Variants in CHD7 observed in about 807,000 individuals in gnomAD.
CHD7 encodes chromodomain helicase DNA binding protein 7.
Under a neutral mutation model 307.3 loss-of-function variants are expected in CHD7, and 24 were observed. That is an observed-to-expected ratio of 0.08 (90% CI 0.06 to 0.11). The LOEUF is 0.11. Ranked by LOEUF, CHD7 falls within the 10% of genes least tolerant of loss-of-function variation. The probability of loss-of-function intolerance (pLI) is 1.00; values close to 1 mark genes in which losing one functional copy is unlikely to be tolerated. For missense variants in CHD7, 3,106 were observed against 3,727.1 expected, an observed-to-expected ratio of 0.83 and a Z score of 4.34; for synonymous variants, 1,363 against 1,349.9, an observed-to-expected ratio of 1.01 and a Z score of -0.21.
At chr8:60,728,205 C>T (rs1404794338) in intron 1 of CHD7, among the ~76,000 whole-genome samples, 1 of 152,258 alleles carries the variant, frequency 6.6e-6, no homozygotes, top group Non-Finnish European at 1.5e-5. Context: ...AGGGTCTACT[C>T]TGAAAGCTGG....
At chr8:60,805,216 T>C (rs1226908623) in intron 6 of CHD7, among the ~76,000 whole-genome samples, 1 of 152,188 alleles carries the variant, frequency 6.6e-6, no homozygotes, top group East Asian at 1.9e-4. Context: ...TTCTGAGGGC[T>C]TATGAATTCA....
chr8:60,838,330 G>A, intron 19 of CHD7, 75 bp downstream of exon 19: 3 of 1,314,190 alleles, frequency 2.3e-6, no homozygotes, highest in South Asian at 2.6e-5. Flanking sequence ...CCTTGTAAAA[G>A]TGCTTACAAG....
rs919167037 is a variant in CHD7 at position 60,867,756 on chromosome 8, G to C, written c.*1823G>C. 1 of 152,140 alleles carries C rather than the reference G, an allele frequency of 6.6e-6. No homozygotes were observed. Among genetic ancestry groups the C allele is most frequent in the African/African-American group, 2.4e-5 (1 of 41,418 alleles). 9.4% of individuals were successfully genotyped at this position (152,140 alleles called of 1,614,324 possible). A position where few individuals can be genotyped will look rare whatever the true frequency, so the allele number is the denominator to read the frequency against. On this transcript the variant is annotated 3_prime_UTR_variant, in exon 38 of 38. Coordinates refer to ENST00000423902, the MANE Select transcript of CHD7 (RefSeq NM_017780.4). ...CCAAGATGAAAATATGCCCCTTAATGATTCTGGGAAAGAAACAACCTGAAC... is the reference window on the plus strand; with the variant it reads ...CCAAGATGAAAATATGCCCCTTAATCATTCTGGGAAAGAAACAACCTGAAC...
chr8:60,729,345 GGTTT>G (rs1008950955), intron 1 of CHD7, among the ~76,000 whole-genome samples: 30 of 152,084 alleles, frequency 2.0e-4, no homozygotes, highest in Non-Finnish European at 2.5e-4. Context: ...ATATTCTTTA[GGTTT>G]GTTTAATAGG....
chr8:60,713,918 C>T (rs1247447259), intron 1 of CHD7, among the ~76,000 whole-genome samples: 2 of 148,636 alleles, frequency 1.3e-5, no homozygotes, highest in Non-Finnish European at 3.0e-5. Context: ...TTTTGCTTCT[C>T]CTCCCGCTCC....
rs1247369056 is a variant in CHD7 at position 60,856,055 on chromosome 8, G to A, written c.7017G>A (p.Met2339Ile). ...KGKWPVNRRQ[M>I]FDFQGLIPGY... The stretch of plus-strand genomic sequence containing the variant: ...AATGGCCAGTAAATAGGCGCCAGAT[G>A]TTTGATTTCCAAGGCCTCATCCCAG... Residue 2339 changes from methionine to isoleucine, a missense_variant, in exon 33 of 38, where the codon ATG (methionine) becomes ATA (isoleucine). Met to Ile is a conservative substitution (Grantham distance 10). This residue lies in a region of CHD7 where 1,030 missense variants were observed against 1,165.4 expected (regional missense o/e 0.88). Transcript: ENST00000423902. 5.6e-6 allele frequency: 9 copies of A among 1,611,586 alleles called. No individual in the cohort carries two copies. The highest frequency in any genetic ancestry group is 1.6e-4 in the Middle Eastern group (1 of 6,084).
chr8:60,787,144 G>A (rs1206114316), intron 3 of CHD7, among the ~76,000 whole-genome samples: 1 of 152,046 alleles, frequency 6.6e-6, no homozygotes. Flanking sequence ...TGGGAGTTTG[G>A]TTTCTCCTGT....
At chr8:60,845,169 C>T (rs1270814466) in intron 22 of CHD7, 81 bp from the exon 23 acceptor site, 1 of 1,568,958 alleles carries the variant, frequency 6.4e-7, no homozygotes, top group East Asian at 2.2e-5. Flanking sequence ...TATTTCCCTG[C>T]CTCGTGCATT....
At chr8:60,731,249 A>G (rs1375364988) in intron 1 of CHD7, among the ~76,000 whole-genome samples, 1 of 152,258 alleles carries the variant, frequency 6.6e-6, no homozygotes, top group East Asian at 1.9e-4. Flanking sequence ...TGAGATATAC[A>G]TCTTATAAAT....
At chr8:60,787,105 C>T (rs911470587) in intron 3 of CHD7, among the ~76,000 whole-genome samples, 1 of 152,076 alleles carries the variant, frequency 6.6e-6, no homozygotes, top group Non-Finnish European at 1.5e-5. Flanking sequence ...ATGTGTAGCC[C>T]TGACTTCTGT....
chr8:60,704,284 T>C (rs35331770), intron 1 of CHD7, among the ~76,000 whole-genome samples: 74,222 of 152,014 alleles, frequency 0.49, 22,221 homozygotes, highest in East Asian at 0.74. Context: ...AACACAGTTA[T>C]ACCATGTGCC....
At position 60,800,395 on chromosome 8, in the gene CHD7, G is replaced by A. The variant is rs942764555; in HGVS notation, c.2246G>A (p.Arg749Gln). 6.2e-7 allele frequency: 1 copy of A among 1,613,168 alleles called. No individual in the cohort carries two copies. The highest frequency in any genetic ancestry group is 8.5e-7 in the Non-Finnish European group (1 of 1,179,546). The change falls in exon 5 of 38, where the codon CGG (arginine) becomes CAG (glutamine). Residue 749 changes from arginine (R) to glutamine (Q), a missense_variant. This residue lies in a region of CHD7 where 998 missense variants were observed against 1,004.5 expected (regional missense o/e 0.99). Transcript: ENST00000423902. ...CTTGGGTTTTTGTTTTAGAAGAGAC[G>A]GTCCAGCAGACAGGTGAAGAGAAAG... The part of the protein sequence containing the change: ...EDEDPGVQKR[R>Q]SSRQVKRKRY...
rs571454373 is a variant in CHD7, at chr8:60,827,675, A to G, written c.3379-988A>G. Reference sequence around the variant, plus strand: ...AGAAGGAGGAATACAAGCATATTGAACTCCTTCACCTACTTTCAAAGAGCT... The same window carrying G: ...AGAAGGAGGAATACAAGCATATTGAGCTCCTTCACCTACTTTCAAAGAGCT... On this transcript the variant is annotated intron_variant, in intron 13 of 37. Transcript: ENST00000423902. Among the ~76,000 whole-genome samples the G allele has an allele frequency of 1.1e-4, 16 of 152,192 alleles. No individual in the cohort carries two copies. The East Asian group carries it at 3.1e-3, about 29-fold the overall frequency.
intron 2 of CHD7, among the ~76,000 whole-genome samples, chr8:60,754,979 A>G (rs1004037744): frequency 1.3e-5 from 2 of 152,222 alleles, no homozygotes; most frequent in Admixed American, 1.3e-4. Context: ...TGTTACTAGC[A>G]TCTTACCATG....
At chr8:60,818,474 A>G (rs1803852082) in intron 8 of CHD7, among the ~76,000 whole-genome samples, 1 of 152,230 alleles carries the variant, frequency 6.6e-6, no homozygotes, top group Non-Finnish European at 1.5e-5. Context: ...GGAAAGTTTA[A>G]GTGTTTCTGC....
At chr8:60,746,628 T>G (rs1370135986) in intron 2 of CHD7, among the ~76,000 whole-genome samples, 1 of 152,242 alleles carries the variant, frequency 6.6e-6, no homozygotes, top group Non-Finnish European at 1.5e-5. Flanking sequence ...GTTTTTCGCT[T>G]TTTAAAAATA....
At position 60,828,912 on chromosome 8, in the gene CHD7, C is replaced by G; in HGVS notation, c.3522+106C>G. The G allele has an allele frequency of 3.0e-6, 3 of 1,000,762 alleles. No homozygotes were observed. The Admixed American group carries it at 6.9e-5, about 23-fold the overall frequency. 62.0% of individuals were successfully genotyped at this position (1,000,762 alleles called of 1,614,324 possible). On this transcript the variant is annotated intron_variant, in intron 14 of 37. Coordinates refer to ENST00000423902, the MANE Select transcript of CHD7 (RefSeq NM_017780.4). ...AAGTGTGATTATATTACAGTTTTTC[C>G]CACCTAGTACACAGAACCTTAGATA...
chr8:60,779,369 T>C (rs1811096548), intron 2 of CHD7, among the ~76,000 whole-genome samples: 1 of 152,172 alleles, frequency 6.6e-6, no homozygotes, highest in Non-Finnish European at 1.5e-5. Context: ...GTGTAGAAGA[T>C]GTTAGGAAGA....
intron 25 of CHD7, among the ~76,000 whole-genome samples, chr8:60,850,145 T>C (rs1431236800): frequency 6.6e-6 from 1 of 152,048 alleles, no homozygotes; most frequent in African/African-American, 2.4e-5. Context: ...CCTGCAGAGG[T>C]CATAAAGGAA....
Sources: allele counts gnomAD v4.1 joint callset (sites outside exome capture counted in the v4.1 genomes callset), GRCh38; gene constraint gnomAD v4.1.1; regional missense constraint gnomAD v4.1.1; transcripts MANE v1.5; gene names NCBI Gene and HGNC (gene_info 2026-07-23, HGNC 2026-07-21).